FHIT: variants seen among roughly 807,000 people sequenced by gnomAD.
FHIT encodes the protein bis(5'-adenosyl)-triphosphatase.
A neutral mutation model predicts 17.9 loss-of-function variants in FHIT; 19 were observed. The observed-to-expected ratio is 1.06, with a 90% CI of 0.74 to 1.56. The LOEUF is 1.56. Among genes scored for constraint, FHIT ranks in the 40% most tolerant of loss-of-function variants. The pLI, the probability that FHIT is intolerant of heterozygous loss-of-function variation, is 0.00. For synonymous variants in FHIT, 81 were observed against 69.7 expected (o/e 1.16, Z -0.81); for missense variants, 248 against 189.2 (o/e 1.31, Z -1.82).
intron 5 of FHIT, among the ~76,000 whole-genome samples, chr3:60,020,008 A>C (rs1007195865): frequency 6.6e-6 from 1 of 152,180 alleles, no homozygotes; most frequent in Non-Finnish European, 1.5e-5. Context: ...ACCTCTGAGC[A>C]GTCAACACCA....
intron 5 of FHIT, among the ~76,000 whole-genome samples, chr3:60,095,094 G>A (rs1370696212): frequency 1.3e-5 from 2 of 152,100 alleles, no homozygotes; most frequent in Non-Finnish European, 2.9e-5. Context: ...TAGCTTAGCT[G>A]GGCAATTATG....
At chr3:60,356,751 G>GAAAAAAAAAAAAAA (rs1559848286) in intron 5 of FHIT, among the ~76,000 whole-genome samples, 1 of 4,790 alleles carries the variant, frequency 2.1e-4, no homozygotes, top group Non-Finnish European at 3.1e-4. Context: ...GGAAGACAGA[G>GAAAAAAAAAAAAAA]ACAAAAAAAA....
At chr3:60,795,717 G>A (rs1553730085) in intron 4 of FHIT, among the ~76,000 whole-genome samples, 1 of 152,044 alleles carries the variant, frequency 6.6e-6, no homozygotes, top group Non-Finnish European at 1.5e-5. Flanking sequence ...GTTTCACCAT[G>A]TTACCCAGCC....
chr3:60,689,931 C>T (rs1553699182), intron 4 of FHIT, among the ~76,000 whole-genome samples: 3 of 152,188 alleles, frequency 2.0e-5, no homozygotes, highest in African/African-American at 7.2e-5. Context: ...GTTACAATCA[C>T]TTAAATCTCA....
chr3:59,822,866 G>A (rs965053072), intron 8 of FHIT, among the ~76,000 whole-genome samples: 2 of 152,094 alleles, frequency 1.3e-5, no homozygotes, highest in African/African-American at 4.8e-5. Flanking sequence ...TGGTCATAAA[G>A]TCTGCCTAAG....
intron 7 of FHIT, 94 bp downstream of exon 7, chr3:60,011,277 G>C: frequency 8.4e-7 from 1 of 1,185,688 alleles, no homozygotes; most frequent in Non-Finnish European, 1.3e-6. Flanking sequence ...ATAACATAAT[G>C]AAACAGCAAT....
chr3:60,449,077 G>T (rs1372320169), intron 5 of FHIT, among the ~76,000 whole-genome samples: 1 of 152,124 alleles, frequency 6.6e-6, no homozygotes, highest in Non-Finnish European at 1.5e-5. Flanking sequence ...TTCCAGATCT[G>T]GCCTCTGAAG....
At chr3:60,216,616 C>G (rs1416800596) in intron 5 of FHIT, among the ~76,000 whole-genome samples, 1 of 152,154 alleles carries the variant, frequency 6.6e-6, no homozygotes, top group Non-Finnish European at 1.5e-5. Flanking sequence ...TCTAAGCTGA[C>G]TGCTTAGAGT....
intron 8 of FHIT, among the ~76,000 whole-genome samples, chr3:59,865,859 C>A (rs1456921894): frequency 6.6e-6 from 1 of 152,098 alleles, no homozygotes; most frequent in African/African-American, 2.4e-5. Flanking sequence ...GGAGTGAGAG[C>A]CTGAGGTTCG....
chr3:60,776,697 T>G (rs1428440061), intron 4 of FHIT, among the ~76,000 whole-genome samples: 3 of 152,192 alleles, frequency 2.0e-5, no homozygotes, highest in Admixed American at 6.5e-5. Flanking sequence ...AAGTTTTAGT[T>G]TACAGTTAAA....
intron 5 of FHIT, among the ~76,000 whole-genome samples, chr3:60,142,360 C>T (rs1700073522): frequency 6.6e-6 from 1 of 152,210 alleles, no homozygotes; most frequent in African/African-American, 2.4e-5. Flanking sequence ...TCAATAAATG[C>T]TAACTACTAC....
chr3:60,525,793 G>C (rs987594867), intron 5 of FHIT, among the ~76,000 whole-genome samples: 1 of 152,144 alleles, frequency 6.6e-6, no homozygotes, highest in Non-Finnish European at 1.5e-5. Flanking sequence ...AGTGGTCTTA[G>C]GTATCAGGTT....
At chr3:60,633,045 T>G (rs1447795072) in intron 4 of FHIT, among the ~76,000 whole-genome samples, 1 of 152,160 alleles carries the variant, frequency 6.6e-6, no homozygotes, top group Non-Finnish European at 1.5e-5. Context: ...CTGTGGACAT[T>G]TTACTTCTTG....
At chr3:60,354,251 G>A (rs1168846088) in intron 5 of FHIT, among the ~76,000 whole-genome samples, 1 of 152,036 alleles carries the variant, frequency 6.6e-6, no homozygotes, top group African/African-American at 2.4e-5. Flanking sequence ...CACATTAATA[G>A]TATTAGTCAT....
At chr3:60,011,973 A>G (rs1700155451) in intron 6 of FHIT, among the ~76,000 whole-genome samples, 1 of 152,310 alleles carries the variant, frequency 6.6e-6, no homozygotes, top group East Asian at 1.9e-4. Flanking sequence ...CCAAGTCACC[A>G]GCCATAATAT....
intron 5 of FHIT, among the ~76,000 whole-genome samples, chr3:60,523,150 A>T (rs1282146763): frequency 6.6e-6 from 1 of 152,198 alleles, no homozygotes; most frequent in East Asian, 1.9e-4. Flanking sequence ...GCTCCCTCCC[A>T]TAACACGTGG....
At chr3:60,929,629 A>G (rs1405915637) in intron 3 of FHIT, among the ~76,000 whole-genome samples, 4 of 152,214 alleles carry the variant, frequency 2.6e-5, no homozygotes, top group Non-Finnish European at 5.9e-5. Context: ...CAAAGAGAAT[A>G]AAATACCTAG....
At chr3:61,037,442 G>A (rs933097668) in intron 3 of FHIT, among the ~76,000 whole-genome samples, 1 of 152,130 alleles carries the variant, frequency 6.6e-6, no homozygotes, top group Non-Finnish European at 1.5e-5. Context: ...ATATTAGATG[G>A]TACATGAGTG....
At chr3:59,899,264 A>T (rs1484910762) in intron 8 of FHIT, among the ~76,000 whole-genome samples, 1 of 152,210 alleles carries the variant, frequency 6.6e-6, no homozygotes, top group Non-Finnish European at 1.5e-5. Context: ...AACTTCTCAG[A>T]CACTTTTCAC....
Sources: gnomAD v4.1 joint callset for allele counts (sites outside exome capture counted in the v4.1 genomes callset) on GRCh38, gnomAD v4.1.1 for gene constraint, MANE v1.5 for transcripts, NCBI Gene and HGNC (gene_info 2026-07-23, HGNC 2026-07-21) for gene names.